Variants in DNM3 observed in about 807,000 individuals in gnomAD.
DNM3 encodes dynamin-3.
In DNM3, 47 loss-of-function variants were observed where a neutral mutation model predicts 101.6. The observed-to-expected ratio is 0.46, with a 90% CI of 0.37 to 0.59. The LOEUF is 0.59. DNM3 is among the 20% of genes least tolerant of loss of function. The pLI, the probability that DNM3 is intolerant of heterozygous loss-of-function variation, is 0.00. For missense variants in DNM3, 849 were observed against 1,085.7 expected, an observed-to-expected ratio of 0.78 and a Z score of 3.06; for synonymous variants, 385 against 387.9, an observed-to-expected ratio of 0.99 and a Z score of 0.09.
chr1:172,386,728 A>AT (rs1317076830), intron 18 of DNM3: 2 of 158,678 alleles, frequency 1.3e-5, no homozygotes, highest in Non-Finnish European at 2.8e-5. Context: ...AAAACGTGTG[A>AT]TTACATAGGT....
intron 17 of DNM3, among the ~76,000 whole-genome samples, chr1:172,356,124 A>C (rs2067440722): frequency 6.6e-6 from 1 of 152,130 alleles, no homozygotes; most frequent in African/African-American, 2.4e-5. Context: ...AGTGAGGCCT[A>C]ATAAAGACAC....
intron 14 of DNM3, among the ~76,000 whole-genome samples, chr1:172,247,303 G>A (rs2061991172): frequency 6.6e-6 from 1 of 152,082 alleles, no homozygotes. Flanking sequence ...CAACAATTAG[G>A]AGTATAAAAT....
At chr1:172,156,998 G>A (rs1472776885) in intron 14 of DNM3, among the ~76,000 whole-genome samples, 1 of 152,074 alleles carries the variant, frequency 6.6e-6, no homozygotes, top group African/African-American at 2.4e-5. Flanking sequence ...TGGTTTCATG[G>A]AAGACAATTT....
chr1:172,296,103 T>G (rs1294568982), intron 15 of DNM3, among the ~76,000 whole-genome samples: 2 of 152,228 alleles, frequency 1.3e-5, no homozygotes, highest in African/African-American at 4.8e-5. Context: ...TCAATATTTA[T>G]GCGTATGAGA....
At chr1:172,268,297 A>G (rs565736704) in intron 15 of DNM3, among the ~76,000 whole-genome samples, 11 of 151,062 alleles carry the variant, frequency 7.3e-5, no homozygotes, top group South Asian at 2.1e-4. Flanking sequence ...AAAAAATTGT[A>G]TATTTTGAAA....
intron 20 of DNM3, chr1:172,397,326 C>G (rs879472881): frequency 6.6e-6 from 1 of 152,468 alleles, no homozygotes; most frequent in East Asian, 1.9e-4. Context: ...ACAGAAAAAC[C>G]ACTGCAGTAA....
At chr1:172,201,882 A>T (rs1391073413) in intron 14 of DNM3, among the ~76,000 whole-genome samples, 1 of 152,168 alleles carries the variant, frequency 6.6e-6, no homozygotes, top group Non-Finnish European at 1.5e-5. Context: ...ACTTTTCTAT[A>T]GGGCTGCTGT....
intron 13 of DNM3, among the ~76,000 whole-genome samples, chr1:172,120,112 T>A (rs1300686069): frequency 1.3e-5 from 2 of 152,178 alleles, no homozygotes; most frequent in Non-Finnish European, 2.9e-5. Flanking sequence ...CTCACACTGC[T>A]AATAAAGATA....
intron 14 of DNM3, among the ~76,000 whole-genome samples, chr1:172,225,425 G>A (rs146852189): frequency 0.011 from 1,723 of 151,988 alleles, 12 homozygotes; most frequent in Admixed American, 0.02. Context: ...ATGAGCCACC[G>A]TACCCGACCG....
intron 17 of DNM3, among the ~76,000 whole-genome samples, chr1:172,361,243 C>T (rs1489766486): frequency 6.6e-6 from 1 of 151,984 alleles, no homozygotes; most frequent in South Asian, 2.1e-4. Context: ...AAGAAAGCTT[C>T]GTAACTTCTC....
At chr1:172,313,776 A>T (rs1038929532) in intron 16 of DNM3, among the ~76,000 whole-genome samples, 4 of 151,904 alleles carry the variant, frequency 2.6e-5, no homozygotes, top group Admixed American at 2.0e-4. Flanking sequence ...GCATTTATTT[A>T]TTTATTTATT....
At chr1:172,113,631 A>G (rs1229731720) in intron 13 of DNM3, among the ~76,000 whole-genome samples, 1 of 151,092 alleles carries the variant, frequency 6.6e-6, no homozygotes, top group African/African-American at 2.4e-5. Context: ...AAAAAAAAAA[A>G]AAAAAAAAAA....
intron 14 of DNM3, among the ~76,000 whole-genome samples, chr1:172,249,281 G>A (rs753265416): frequency 6.6e-6 from 1 of 152,040 alleles, no homozygotes; most frequent in Non-Finnish European, 1.5e-5. Context: ...CAAGGTCAGC[G>A]AGCACATACT....
intron 9 of DNM3, among the ~76,000 whole-genome samples, chr1:172,046,702 G>A (rs888716832): frequency 1.8e-4 from 28 of 152,044 alleles, no homozygotes; most frequent in African/African-American, 5.6e-4. Context: ...TTTTACCATC[G>A]ATAGGATTTC....
intron 13 of DNM3, among the ~76,000 whole-genome samples, chr1:172,093,163 T>C (rs2147823827): frequency 6.6e-6 from 1 of 152,172 alleles, no homozygotes; most frequent in East Asian, 1.9e-4. Context: ...ACGTTACCCC[T>C]AAGTTTAATT....
intron 14 of DNM3, among the ~76,000 whole-genome samples, chr1:172,186,860 A>G (rs891943295): frequency 6.6e-6 from 1 of 151,740 alleles, no homozygotes; most frequent in African/African-American, 2.4e-5. Flanking sequence ...ATTTCTGAAG[A>G]CTCCCCCATC....
Position 172,308,911 on chromosome 1 carries a change from A to G in DNM3, c.1881+72A>G, listed in dbSNP as rs2064962669. 4 of 835,146 alleles carry G rather than the reference A, an allele frequency of 4.8e-6. No individual in the cohort carries two copies. The East Asian group carries it at 1.2e-4, about 25-fold the overall frequency. 51.7% of individuals were successfully genotyped at this position (835,146 alleles called of 1,614,324 possible). A position where few individuals can be genotyped will look rare whatever the true frequency, so the allele number is the denominator to read the frequency against. ...TAAGAAAATATTAATCCTACATACC[A>G]TAAGCTGGAGAAACTAGTTTTCTTA... On this transcript the variant is annotated intron_variant, in intron 16 of 20. Transcript: ENST00000627582.
At chr1:171,884,785 A>G (rs1313208151) in intron 1 of DNM3, among the ~76,000 whole-genome samples, 1 of 152,178 alleles carries the variant, frequency 6.6e-6, no homozygotes, top group Non-Finnish European at 1.5e-5. Context: ...CATATCCTTT[A>G]ATGTACAAGA....
At chr1:172,063,962 T>C (rs147415639) in intron 10 of DNM3, among the ~76,000 whole-genome samples, 1 of 152,234 alleles carries the variant, frequency 6.6e-6, no homozygotes, top group African/African-American at 2.4e-5. Context: ...CCATTGGTTT[T>C]TAAAAAATAT....
Sources: allele counts gnomAD v4.1 joint callset (sites outside exome capture counted in the v4.1 genomes callset), GRCh38; gene constraint gnomAD v4.1.1; transcripts MANE v1.5; gene names NCBI Gene and HGNC (gene_info 2026-07-23, HGNC 2026-07-21).